The following C5 variants were observed in gnomAD, a reference collection of about 807,000 sequenced individuals.
C5 encodes the protein complement C5.
Under a neutral mutation model 218.8 loss-of-function variants are expected in C5, and 140 were observed. The ratio of observed to expected loss-of-function variants is 0.64; its 90% CI spans 0.56 to 0.74. The LOEUF (loss-of-function observed/expected upper bound fraction) is 0.74. Among genes scored for constraint, C5 ranks in the 30% least tolerant of loss-of-function variants. C5 has a pLI of 0.00. For missense variants in C5, 1,700 were observed against 1,969.6 expected (o/e 0.86, Z 2.59); for synonymous variants, 614 against 682.3 (o/e 0.90, Z 1.56).
At chr9:121,015,371 T>C in intron 15 of C5, 110 bp from the exon 16 acceptor site, 1 of 700,432 alleles carries the variant, frequency 1.4e-6, no homozygotes, top group Middle Eastern at 3.8e-4. Flanking sequence ...AGTCATTCCT[T>C]AACAAATATT....
the C5 span, among the ~76,000 whole-genome samples, chr9:121,071,497 C>T: frequency 1.3e-5 from 2 of 152,086 alleles, no homozygotes; most frequent in Non-Finnish European, 2.9e-5. Flanking sequence ...CCAGCCTGGG[C>T]AACACAGCAA....
At chr9:120,956,962 C>G (rs1386926224) in intron 39 of C5, 2 of 343,040 alleles carry the variant, frequency 5.8e-6, no homozygotes, top group East Asian at 1.5e-4. Flanking sequence ...TATACCAAAC[C>G]CCCAAAACAT....
At chr9:121,070,419 A>ATGTG in the C5 span, among the ~76,000 whole-genome samples, 1 of 134,916 alleles carries the variant, frequency 7.4e-6, no homozygotes, top group Non-Finnish European at 1.6e-5. Flanking sequence ...ATATATATAT[A>ATGTG]TATATATGTA....
chr9:121,066,149 CTAAAATACAAAAAT>C, the C5 span, among the ~76,000 whole-genome samples: 1 of 151,328 alleles, frequency 6.6e-6, no homozygotes, highest in Admixed American at 6.6e-5. Context: ...CCCATCTCTA[CTAAAATACAAAAAT>C]TAGCCGGGAG....
chr9:121,056,885 C>T, the C5 span, among the ~76,000 whole-genome samples: 1 of 152,032 alleles, frequency 6.6e-6, no homozygotes, highest in Non-Finnish European at 1.5e-5. Context: ...ACAAAAAAAT[C>T]AAAGAATGCC....
upstream of C5, among the ~76,000 whole-genome samples, chr9:121,055,009 T>G (rs1362765689): frequency 6.6e-6 from 1 of 152,136 alleles, no homozygotes; most frequent in Non-Finnish European, 1.5e-5. Flanking sequence ...CTATTGACTT[T>G]AAGCCTTTAG....
At chr9:121,020,715 G>A (rs2047357820) in intron 11 of C5, among the ~76,000 whole-genome samples, 1 of 152,202 alleles carries the variant, frequency 6.6e-6, no homozygotes, top group Admixed American at 6.5e-5. Flanking sequence ...TCAGACAGCA[G>A]AAGTGTTATT....
chr9:120,994,676 C>T (rs2047103132), intron 22 of C5, among the ~76,000 whole-genome samples: 1 of 151,916 alleles, frequency 6.6e-6, no homozygotes, highest in South Asian at 2.1e-4. Flanking sequence ...CCCTCTTTAG[C>T]TCTGCAGAAA....
chr9:121,030,666 C>T (rs1048284889), intron 6 of C5, among the ~76,000 whole-genome samples, 179 bp from the exon 7 acceptor site: 7 of 152,192 alleles, frequency 4.6e-5, no homozygotes, highest in Admixed American at 3.3e-4. Flanking sequence ...TCTGCAGAAC[C>T]TTCCCACTCC....
At chr9:120,991,086 G>T in intron 23 of C5, 105 bp downstream of exon 23, 1 of 762,640 alleles carries the variant, frequency 1.3e-6, no homozygotes, top group Admixed American at 1.9e-5. Flanking sequence ...ATTTGTGTGT[G>T]CTACTGAACA....
chr9:121,016,198 T>C lies in C5; in HGVS notation c.1996+56A>G, dbSNP rs1021733996. 1.9e-6 allele frequency: 3 copies of C among 1,606,560 alleles called. No homozygotes were observed. The Admixed American group carries it at 5.0e-5, about 27-fold the overall frequency. Reference sequence around the variant, plus strand: ...TTTGGGAAGAAGGATAAAAATGAGATCTGGGGGGCAAATGATCAATGGGAT... The same window carrying C: ...TTTGGGAAGAAGGATAAAAATGAGACCTGGGGGGCAAATGATCAATGGGAT... On this transcript the variant is annotated intron_variant, in intron 15 of 40. Transcript: ENST00000223642.
chr9:121,025,425 C>CACACACACACAT lies in C5; in HGVS notation c.1000+28_1000+29insATGTGTGTGTGT, dbSNP rs768174247. On this transcript the variant is annotated intron_variant, in intron 9 of 40. Transcript: ENST00000223642. ...TATTTTTCAAAAGAAAGTATACACA[C>CACACACACACAT]ACACACACACACACACACACACACT... 4.1e-5 allele frequency: 65 copies of CACACACACACAT among 1,579,208 alleles called. 1 individual carries two copies. The East Asian group carries it at 1.2e-3, about 28-fold the overall frequency.
Position 120,997,531 on chromosome 9 carries a change from A to G in C5, c.2790+16T>C. ...CAATAATTTAAGCATAAGTTATTGA[A>G]GCATGTTTTTCTTACCACCACTCGT... is the stretch of plus-strand genomic sequence containing the variant. On this transcript the variant is annotated intron_variant, in intron 21 of 40. Coordinates refer to ENST00000223642, the MANE Select transcript of C5 (RefSeq NM_001735.3). 1 of 1,543,292 alleles carries G rather than the reference A, an allele frequency of 6.5e-7. No individual in the cohort carries two copies.
At chr9:120,989,502 A>G in intron 24 of C5, 66 bp downstream of exon 24, 1 of 1,038,912 alleles carries the variant, frequency 9.6e-7, no homozygotes, top group Non-Finnish European at 1.4e-6. Context: ...CAACTTAAAT[A>G]TTAGTTTAAT....
In C5 at chr9:120,953,768, A is replaced by G; in HGVS notation, c.4863T>C (p.Gly1621=). The change falls in exon 40 of 41, where the codon GGT becomes GGC. Residue 1621 remains glycine (G), a synonymous_variant. Transcript: ENST00000223642. ...LVKGRQYLIM[G]KEALQIKYNF... ...TGTATTTTATCTGGAGGGCTTCTTT[A>G]CCCATAATTAAGTACTGTCTTCCTT... 6.2e-7 allele frequency: 1 copy of G among 1,614,026 alleles called. No homozygotes were observed. Among genetic ancestry groups the G allele is most frequent in the Non-Finnish European group, 8.5e-7 (1 of 1,179,922 alleles).
chr9:121,066,516 A>C, the C5 span, among the ~76,000 whole-genome samples: 1 of 152,024 alleles, frequency 6.6e-6, no homozygotes, highest in Non-Finnish European at 1.5e-5. Flanking sequence ...TATTTACTAA[A>C]AAGTTGCAAC....
chr9:121,053,070 G>A (rs116953379), upstream of C5, among the ~76,000 whole-genome samples: 87 of 152,326 alleles, frequency 5.7e-4, 2 homozygotes, highest in East Asian at 0.014. Flanking sequence ...TGGCTGGCTA[G>A]AGTAAGAGAG....
At chr9:120,995,621 G>T (rs1044646210) in intron 22 of C5, among the ~76,000 whole-genome samples, 1 of 151,866 alleles carries the variant, frequency 6.6e-6, no homozygotes, top group South Asian at 2.1e-4. Context: ...TGGACTGTTG[G>T]CTCAATAATA....
intron 4 of C5, among the ~76,000 whole-genome samples, chr9:121,036,673 T>A (rs968916299): frequency 6.6e-6 from 1 of 152,146 alleles, no homozygotes; most frequent in African/African-American, 2.4e-5. Context: ...TTCCTTTCAT[T>A]AACACCCAAC....
Sources: allele counts gnomAD v4.1 joint callset (sites outside exome capture counted in the v4.1 genomes callset), GRCh38; gene constraint gnomAD v4.1.1; transcripts MANE v1.5; gene names NCBI Gene and HGNC (gene_info 2026-07-23, HGNC 2026-07-21).